The following YAP1 variants were observed in gnomAD, a reference collection of about 807,000 sequenced individuals.
YAP1 encodes transcriptional coactivator YAP1.
YAP1 carries 5 observed loss-of-function variants against 56.9 expected under a neutral mutation model. The ratio of observed to expected loss-of-function variants is 0.09; its 90% CI spans 0.05 to 0.18. The LOEUF is 0.18. YAP1 is among the 10% of genes least tolerant of loss of function. The pLI is 1.00. For missense variants in YAP1, 539 were observed against 651.8 expected (o/e 0.83, Z 1.88); for synonymous variants, 265 against 248.1 (o/e 1.07, Z -0.64).
At chr11:102,201,377 A>G (rs1384261014) in intron 4 of YAP1, among the ~76,000 whole-genome samples, 1 of 152,204 alleles carries the variant, frequency 6.6e-6, no homozygotes, top group Non-Finnish European at 1.5e-5. Context: ...GAATAAAGGA[A>G]ATACTGATAC....
rs1944963612 is a variant in YAP1, at chr11:102,140,633, A to G, written c.573-21823A>G. ...GCCAAAGCGGACGGATCACGAGGTC[A>G]GGAGTTTGAGACCAGCCTGGCCAAC... On this transcript the variant is annotated intron_variant, in intron 2 of 8. Coordinates refer to ENST00000282441, the MANE Select transcript of YAP1 (RefSeq NM_001130145.3). Among the ~76,000 whole-genome samples the G allele has an allele frequency of 2.0e-5, 3 of 152,170 alleles. No individual in the cohort carries two copies. In the South Asian group the frequency reaches 6.2e-4, roughly 32 times the overall value.
intron 5 of YAP1, among the ~76,000 whole-genome samples, chr11:102,208,399 A>T (rs1053305539): frequency 6.6e-6 from 1 of 152,156 alleles, no homozygotes; most frequent in Admixed American, 6.6e-5. Flanking sequence ...TTTGTCTATT[A>T]TCAGTTCATT....
intron 2 of YAP1, among the ~76,000 whole-genome samples, chr11:102,140,825 A>G (rs762060847): frequency 1.2e-4 from 18 of 152,050 alleles, no homozygotes; most frequent in Non-Finnish European, 2.1e-4. Flanking sequence ...CGTGGGCAAT[A>G]GAGTGAGATT....
chr11:102,222,969 G>T (rs1050831124), intron 6 of YAP1, among the ~76,000 whole-genome samples: 1 of 151,824 alleles, frequency 6.6e-6, no homozygotes, highest in Non-Finnish European at 1.5e-5. Context: ...TTAGGGCCGG[G>T]CGCGGTGGCT....
intron 2 of YAP1, among the ~76,000 whole-genome samples, chr11:102,134,888 G>A (rs1341336726): frequency 6.6e-6 from 1 of 151,846 alleles, no homozygotes; most frequent in Non-Finnish European, 1.5e-5. Context: ...GTTTTCTAGT[G>A]TTTTTTTGAG....
intron 2 of YAP1, among the ~76,000 whole-genome samples, chr11:102,135,927 G>A (rs772731067): frequency 3.0e-4 from 45 of 152,084 alleles, no homozygotes; most frequent in Non-Finnish European, 2.2e-4. Context: ...TGGCTCTATT[G>A]TATAGCTAGA....
chr11:102,158,709 A>G (rs1456092167), intron 2 of YAP1, among the ~76,000 whole-genome samples: 1 of 152,240 alleles, frequency 6.6e-6, no homozygotes, highest in Non-Finnish European at 1.5e-5. Context: ...AACCTACATG[A>G]GCACTAACCT....
At chr11:102,125,040 A>AT (rs746473496) in intron 2 of YAP1, among the ~76,000 whole-genome samples, 123 of 141,840 alleles carry the variant, frequency 8.7e-4, no homozygotes, top group South Asian at 2.3e-3. Context: ...GCCTAGCCAG[A>AT]TTTTTTTTTT....
chr11:102,173,880 G>T (rs1173690229), intron 3 of YAP1, among the ~76,000 whole-genome samples: 1 of 152,234 alleles, frequency 6.6e-6, no homozygotes, highest in East Asian at 1.9e-4. Context: ...TATTGTTAAA[G>T]TTTGAGTTAA....
At position 102,172,475 on chromosome 11, in the gene YAP1, C is replaced by T. The variant is rs1260366271; in HGVS notation, c.688+9904C>T. Reference sequence around the variant, plus strand: ...TACAGGCATACGGCACCATGCACAGCGTTTTTTTTTTTTTTTTTTTGGTAG... The same window carrying T: ...TACAGGCATACGGCACCATGCACAGTGTTTTTTTTTTTTTTTTTTTGGTAG... On this transcript the variant is annotated intron_variant, in intron 3 of 8. Transcript: ENST00000282441. Among the ~76,000 whole-genome samples the T allele has an allele frequency of 7.5e-5, 8 of 106,190 alleles. 1 individual carries two copies. The highest frequency in any genetic ancestry group is 1.4e-4 in the African/African-American group (4 of 27,802). 69.7% of individuals were successfully genotyped at this position (106,190 alleles called of 152,430 possible). A position where few individuals can be genotyped will look rare whatever the true frequency, so the allele number is the denominator to read the frequency against.
intron 2 of YAP1, among the ~76,000 whole-genome samples, chr11:102,129,455 C>T (rs1944242489): frequency 6.6e-6 from 1 of 151,640 alleles, no homozygotes. Flanking sequence ...CCCATCTCTA[C>T]AAAAACACAA....
chr11:102,228,844 A>G (rs746808132), intron 8 of YAP1, among the ~76,000 whole-genome samples: 1 of 152,088 alleles, frequency 6.6e-6, no homozygotes, highest in Non-Finnish European at 1.5e-5. Context: ...AACTGCTTCT[A>G]TTCTGAAAGT....
chr11:102,186,413 A>G (rs1299443512), intron 4 of YAP1: 1 of 328,606 alleles, frequency 3.0e-6, no homozygotes, highest in Non-Finnish European at 5.6e-6. Context: ...TGGGAGAAAC[A>G]CAGTGATTGT....
intron 2 of YAP1, among the ~76,000 whole-genome samples, chr11:102,142,165 C>T (rs764641074): frequency 1.3e-5 from 2 of 151,964 alleles, no homozygotes; most frequent in Non-Finnish European, 2.9e-5. Context: ...TGTTACTTAA[C>T]TGATATTTTG....
intron 2 of YAP1, among the ~76,000 whole-genome samples, chr11:102,154,031 A>C (rs1016181271): frequency 6.6e-6 from 1 of 152,152 alleles, no homozygotes; most frequent in East Asian, 1.9e-4. Context: ...TTTAATGACC[A>C]TGACTGTGAC....
chr11:102,231,922 C>G lies in YAP1; in HGVS notation c.*1982C>G, dbSNP rs1454827531. On this transcript the variant is annotated 3_prime_UTR_variant, in exon 9 of 9. Transcript: ENST00000282441. ...GAAGTAAGAAGTTTTATTTTAAGTA[C>G]TTTCAGTGCTCAAAAAAATGCAATC... 1.3e-5 allele frequency: 2 copies of G among 152,502 alleles called. No homozygotes were observed. The highest frequency in any genetic ancestry group is 3.8e-4 in the East Asian group (2 of 5,202). 9.4% of individuals were successfully genotyped at this position (152,502 alleles called of 1,614,324 possible).
At chr11:102,114,738 C>T (rs534042335) in intron 2 of YAP1, among the ~76,000 whole-genome samples, 1 of 152,128 alleles carries the variant, frequency 6.6e-6, no homozygotes, top group Non-Finnish European at 1.5e-5. Context: ...TTTTCAAATT[C>T]TGGGAATTAC....
chr11:102,220,638 C>T (rs1156745693), intron 6 of YAP1, among the ~76,000 whole-genome samples: 1 of 151,810 alleles, frequency 6.6e-6, no homozygotes, highest in Non-Finnish European at 1.5e-5. Context: ...ATAGACTAGA[C>T]TAGTAAGGAG....
At chr11:102,213,454 C>G (rs570981495) in intron 6 of YAP1, among the ~76,000 whole-genome samples, 2 of 152,126 alleles carry the variant, frequency 1.3e-5, no homozygotes, top group East Asian at 3.9e-4. Flanking sequence ...GCATTGCACT[C>G]CAGCCTGGCG....
Sources: gnomAD v4.1 joint callset for allele counts (sites outside exome capture counted in the v4.1 genomes callset) on GRCh38, gnomAD v4.1.1 for gene constraint, MANE v1.5 for transcripts, NCBI Gene and HGNC (gene_info 2026-07-23, HGNC 2026-07-21) for gene names.